Variants in C5 observed in about 807,000 individuals in gnomAD.
C5 encodes C3 and PZP-like alpha-2-macroglobulin domain-containing protein 4.
Under a neutral mutation model 218.8 loss-of-function variants are expected in C5, and 140 were observed. That is an observed-to-expected ratio of 0.64 (90% CI 0.56 to 0.74). The LOEUF (loss-of-function observed/expected upper bound fraction) is 0.74, where lower values mean the gene tolerates loss of function less well. Among genes scored for constraint, C5 ranks in the 30% least tolerant of loss-of-function variants. The pLI is 0.00. For synonymous variants in C5, 614 were observed against 682.3 expected, an observed-to-expected ratio of 0.90 and a Z score of 1.56; for missense variants, 1,700 against 1,969.6, an observed-to-expected ratio of 0.86 and a Z score of 2.59.
chr9:120,979,659 A>G, intron 28 of C5: 1 of 256,062 alleles, frequency 3.9e-6, no homozygotes, highest in Non-Finnish European at 7.6e-6. Flanking sequence ...AGGCTGAGGC[A>G]GTAGGAGTGC....
chr9:120,979,863 A>G (rs2131694886), intron 28 of C5: 1 of 503,958 alleles, frequency 2.0e-6, no homozygotes, highest in South Asian at 2.0e-5. Context: ...TGGGTGACAG[A>G]GCGAGAACCT....
At chr9:121,008,361 T>A in intron 18 of C5, 47 bp downstream of exon 18, 1 of 1,401,832 alleles carries the variant, frequency 7.1e-7, no homozygotes, top group Non-Finnish European at 1.0e-6. Context: ...CCATAATACT[T>A]GCATTATCCA....
chr9:121,012,127 T>A (rs922848622), intron 17 of C5, among the ~76,000 whole-genome samples: 1 of 152,132 alleles, frequency 6.6e-6, no homozygotes, highest in Non-Finnish European at 1.5e-5. Flanking sequence ...TTGGATTGTT[T>A]ATAAAACAAA....
At chr9:121,014,095 T>C in intron 16 of C5, 25 bp from the exon 17 acceptor site, 1 of 1,595,104 alleles carries the variant, frequency 6.3e-7, no homozygotes, top group Non-Finnish European at 8.6e-7. Flanking sequence ...ATGCAAGTGC[T>C]CTTGATGACG....
chr9:121,061,066 T>C, the C5 span, among the ~76,000 whole-genome samples: 1 of 152,056 alleles, frequency 6.6e-6, no homozygotes, highest in African/African-American at 2.4e-5. Context: ...TGGGCGCCTG[T>C]AATCCTAGCT....
At chr9:121,004,420 G>A (rs2047198591) in intron 20 of C5, among the ~76,000 whole-genome samples, 1 of 152,040 alleles carries the variant, frequency 6.6e-6, no homozygotes, top group African/African-American at 2.4e-5. Flanking sequence ...TAACATTAGG[G>A]GAGTAAAATG....
chr9:120,953,605 AT>A (rs1265444165), intron 40 of C5, 124 bp downstream of exon 40: 5 of 989,814 alleles, frequency 5.1e-6, no homozygotes, highest in Non-Finnish European at 6.4e-6. Context: ...TGACATTAAT[AT>A]TATTTAGTTC....
intron 27 of C5, among the ~76,000 whole-genome samples, chr9:120,980,691 C>T (rs558723365): frequency 1.9e-4 from 29 of 152,154 alleles, no homozygotes; most frequent in Non-Finnish European, 3.4e-4. Context: ...CCCAGGTTCA[C>T]GCCATTCTCC....
intron 39 of C5, 67 bp from the exon 40 acceptor site, chr9:120,953,935 A>C: frequency 1.0e-5 from 16 of 1,557,544 alleles, no homozygotes; most frequent in Non-Finnish European, 1.3e-5. Flanking sequence ...ATAAACTCTC[A>C]AGTTTTCTGG....
intron 15 of C5, among the ~76,000 whole-genome samples, chr9:121,015,609 T>C (rs1399420290): frequency 6.6e-6 from 1 of 152,238 alleles, no homozygotes; most frequent in Admixed American, 6.5e-5. Flanking sequence ...CTTTGTGCTA[T>C]ATTATTGCAA....
rs1282817247 is a variant in C5 at position 120,993,877 on chromosome 9, G to A, written c.2851+2363C>T. Among the ~76,000 whole-genome samples the A allele has an allele frequency of 2.0e-5, 3 of 152,146 alleles. No homozygotes were observed. In the East Asian group the frequency reaches 5.8e-4, roughly 29 times the overall value. On this transcript the variant is annotated intron_variant, in intron 22 of 40. Coordinates refer to ENST00000223642, the MANE Select transcript of C5 (RefSeq NM_001735.3). Reference sequence around the variant, plus strand: ...GTATACAGCAAACACATTTGAGTGGGTACACTTGGAGGAAGGGGAATGGGA... The same window carrying A: ...GTATACAGCAAACACATTTGAGTGGATACACTTGGAGGAAGGGGAATGGGA...
intron 36 of C5, 129 bp from the exon 37 acceptor site, chr9:120,961,694 C>T (rs2046828854): frequency 1.4e-6 from 1 of 707,144 alleles, no homozygotes; most frequent in Admixed American, 2.0e-5. Flanking sequence ...TAGCTAAGGC[C>T]CAGGGAGGTA....
At chr9:121,060,201 A>G in the C5 span, among the ~76,000 whole-genome samples, 17 of 152,238 alleles carry the variant, frequency 1.1e-4, no homozygotes, top group African/African-American at 3.9e-4. Flanking sequence ...GAAGAGCAGC[A>G]GCTTCAGGAG....
chr9:121,013,808 G>T, intron 17 of C5, 65 bp downstream of exon 17: 1 of 1,359,304 alleles, frequency 7.4e-7, no homozygotes, highest in Non-Finnish European at 1.1e-6. Context: ...GCCTTTCTTA[G>T]CAGCATAAAA....
intron 38 of C5, among the ~76,000 whole-genome samples, chr9:120,958,250 G>A (rs1389119528): frequency 6.6e-6 from 1 of 152,190 alleles, no homozygotes; most frequent in Non-Finnish European, 1.5e-5. Flanking sequence ...TCTTTATAAT[G>A]GACATGGGCA....
chr9:121,046,693 T>G (rs2047630595), intron 1 of C5, among the ~76,000 whole-genome samples: 1 of 152,150 alleles, frequency 6.6e-6, no homozygotes, highest in Admixed American at 6.5e-5. Context: ...AACATGTAAA[T>G]GGGGTCAATA....
At chr9:121,004,906 A>G (rs1357902830) in intron 20 of C5, among the ~76,000 whole-genome samples, 1 of 152,174 alleles carries the variant, frequency 6.6e-6, no homozygotes, top group Non-Finnish European at 1.5e-5. Context: ...ATAGATTGCC[A>G]TCTTTTAAAA....
intron 33 of C5, among the ~76,000 whole-genome samples, chr9:120,966,034 T>C (rs954513362): frequency 1.3e-5 from 2 of 152,212 alleles, no homozygotes; most frequent in Non-Finnish European, 2.9e-5. Context: ...AGAGACCCTC[T>C]GAACACAGAA....
Position 121,020,000 on chromosome 9 carries a change from G to A in C5, c.1482C>T (p.Asp494=), listed in dbSNP as rs2230215. ...IIVTPKSPYI[D]KITHYNYLIL... is the part of the protein sequence containing the mutation. ...CCAAGTAATTATAGTGAGTTATTTTGTCAATATATGGGCTTTTGGGGGTAA... is the reference window on the plus strand; with the variant it reads ...CCAAGTAATTATAGTGAGTTATTTTATCAATATATGGGCTTTTGGGGGTAA... Residue 494 remains aspartate (D), a synonymous_variant, in exon 12 of 41, where the codon GAC becomes GAT. Coordinates refer to ENST00000223642, the MANE Select transcript of C5 (RefSeq NM_001735.3). 4.9e-3 allele frequency: 7,920 copies of A among 1,604,186 alleles called. 377 individuals carry two copies. The African/African-American group carries it at 0.095, about 19-fold the overall frequency.
Sources: gnomAD v4.1 joint callset for allele counts (sites outside exome capture counted in the v4.1 genomes callset) on GRCh38, gnomAD v4.1.1 for gene constraint, MANE v1.5 for transcripts, NCBI Gene and HGNC (gene_info 2026-07-23, HGNC 2026-07-21) for gene names.